Variants in CLVS1 observed in about 807,000 individuals in gnomAD.
CLVS1 encodes the protein clavesin 1, also known as clavesin-1.
CLVS1 carries 10 observed loss-of-function variants against 33.1 expected under a neutral mutation model. That is an observed-to-expected ratio of 0.30 (90% confidence interval 0.19 to 0.51). The LOEUF (loss-of-function observed/expected upper bound fraction) is 0.51, where lower values mean the gene tolerates loss of function less well. Among genes scored for constraint, CLVS1 ranks in the 20% least tolerant of loss-of-function variants. The probability of loss-of-function intolerance (pLI) is 0.97; values close to 1 mark genes in which losing one functional copy is unlikely to be tolerated. For missense variants in CLVS1, 343 were observed against 433.4 expected (o/e 0.79, Z 1.85); for synonymous variants, 163 against 166.1 (o/e 0.98, Z 0.14).
intron 2 of CLVS1, among the ~76,000 whole-genome samples, chr8:61,206,312 A>G (rs1177067763): frequency 6.6e-6 from 1 of 152,220 alleles, no homozygotes; most frequent in Non-Finnish European, 1.5e-5. Flanking sequence ...ATGAGTATAT[A>G]TTCAGGACTG....
intron 2 of CLVS1, among the ~76,000 whole-genome samples, chr8:61,357,568 C>T (rs539599340): frequency 4.9e-5 from 6 of 121,912 alleles, no homozygotes; most frequent in Admixed American, 1.1e-4. Flanking sequence ...AGCAATGGTG[C>T]GATCTCGGCT....
chr8:61,274,337 T>G (rs1319905852), intron 2 of CLVS1, among the ~76,000 whole-genome samples: 2 of 152,174 alleles, frequency 1.3e-5, no homozygotes, highest in Non-Finnish European at 2.9e-5. Flanking sequence ...TTCCCTGCAT[T>G]GATGCTGAAT....
chr8:61,273,030 C>A (rs968869540), intron 2 of CLVS1, among the ~76,000 whole-genome samples: 2 of 151,076 alleles, frequency 1.3e-5, no homozygotes, highest in African/African-American at 4.9e-5. Context: ...TGTTCCGTTG[C>A]TGGTGAGGAA....
At chr8:61,391,314 G>T (rs1372416098) in intron 3 of CLVS1, 1 of 152,202 alleles carries the variant, frequency 6.6e-6, no homozygotes, top group Non-Finnish European at 1.5e-5. Flanking sequence ...CTTACCATGT[G>T]CCAGAATTGT....
rs1055730306 is a variant in CLVS1 at position 61,462,184 on chromosome 8, T to C, written c.977+3642T>C. On this transcript the variant is annotated intron_variant, in intron 5 of 5. Transcript: ENST00000325897. ...AAAGGAGGAGTAACATTCATGACGGTTGGGCTCAACTTCTTCCAAAGTCCT... is the reference window on the plus strand; with the variant it reads ...AAAGGAGGAGTAACATTCATGACGGCTGGGCTCAACTTCTTCCAAAGTCCT... Among the ~76,000 whole-genome samples, 3 of 152,104 alleles carry C rather than the reference T, an allele frequency of 2.0e-5. No homozygotes were observed. The South Asian group carries it at 6.2e-4, about 32-fold the overall frequency.
intron 2 of CLVS1, among the ~76,000 whole-genome samples, chr8:61,185,153 TTG>T (rs1491047226): frequency 6.7e-5 from 10 of 148,500 alleles, no homozygotes; most frequent in African/African-American, 2.0e-4. Flanking sequence ...GTTTTTGTTT[TTG>T]TTTTTTGTGA....
At chr8:60,981,274 T>C in the CLVS1 span, among the ~76,000 whole-genome samples, 2 of 152,196 alleles carry the variant, frequency 1.3e-5, no homozygotes, top group East Asian at 1.9e-4. Flanking sequence ...ATAAAATACA[T>C]AGGAGTATGC....
the CLVS1 span, among the ~76,000 whole-genome samples, chr8:60,999,300 T>C: frequency 6.6e-6 from 1 of 152,118 alleles, no homozygotes; most frequent in East Asian, 1.9e-4. Flanking sequence ...TGGGTAAAGC[T>C]GAACTGAGCA....
chr8:61,227,177 G>A (rs1043003069), intron 2 of CLVS1, among the ~76,000 whole-genome samples: 2 of 151,672 alleles, frequency 1.3e-5, no homozygotes, highest in African/African-American at 2.4e-5. Context: ...CCTAATAAAT[G>A]AGCAAAGTAG....
intron 2 of CLVS1, among the ~76,000 whole-genome samples, chr8:61,360,864 T>A (rs1261368643): frequency 6.6e-6 from 1 of 152,008 alleles, no homozygotes. Flanking sequence ...AGTCCATCCT[T>A]GTACTTCTAT....
At chr8:61,015,388 TC>T in the CLVS1 span, among the ~76,000 whole-genome samples, 1 of 152,240 alleles carries the variant, frequency 6.6e-6, no homozygotes, top group Non-Finnish European at 1.5e-5. Context: ...ATCTGTTATA[TC>T]CAATGGTTTG....
At chr8:61,013,486 G>C in the CLVS1 span, among the ~76,000 whole-genome samples, 4 of 152,058 alleles carry the variant, frequency 2.6e-5, no homozygotes, top group African/African-American at 9.7e-5. Flanking sequence ...TCTCTCTCTC[G>C]GTCCTTTGGT....
intron 2 of CLVS1, among the ~76,000 whole-genome samples, chr8:61,262,709 A>G (rs917616554): frequency 2.6e-5 from 4 of 152,142 alleles, no homozygotes; most frequent in African/African-American, 9.7e-5. Flanking sequence ...TTCCCTTGAC[A>G]CATCACTTCT....
intron 1 of CLVS1, among the ~76,000 whole-genome samples, chr8:61,057,534 A>G (rs1399700385): frequency 6.6e-6 from 1 of 152,168 alleles, no homozygotes; most frequent in African/African-American, 2.4e-5. Flanking sequence ...CTCCTGAGCT[A>G]AGTTTATGAG....
At chr8:61,230,680 C>T (rs1808413053) in intron 2 of CLVS1, among the ~76,000 whole-genome samples, 1 of 152,082 alleles carries the variant, frequency 6.6e-6, no homozygotes, top group South Asian at 2.1e-4. Context: ...CTCAAGCTTC[C>T]TACTTGAGCT....
At chr8:60,978,646 C>G in the CLVS1 span, among the ~76,000 whole-genome samples, 1 of 151,752 alleles carries the variant, frequency 6.6e-6, no homozygotes, top group Non-Finnish European at 1.5e-5. Flanking sequence ...GAAACCCCGT[C>G]TCTACTAAAA....
chr8:61,414,406 GTTT>G (rs5891802), intron 3 of CLVS1, among the ~76,000 whole-genome samples: 1 of 145,558 alleles, frequency 6.9e-6, no homozygotes. Context: ...TACCGAAATT[GTTT>G]TTTTTTTTTC....
At chr8:61,368,986 T>C (rs1247627051) in intron 2 of CLVS1, among the ~76,000 whole-genome samples, 6 of 152,144 alleles carry the variant, frequency 3.9e-5, no homozygotes, top group Non-Finnish European at 8.8e-5. Context: ...CCTTTCCTTT[T>C]GTTCTTTTCT....
chr8:60,966,596 G>T, the CLVS1 span: 92 of 237,538 alleles, frequency 3.9e-4, no homozygotes, highest in African/African-American at 2.0e-3. Context: ...ATCTTTCTGG[G>T]TCCCAGGGAG....
Sources: gnomAD v4.1 joint callset for allele counts (sites outside exome capture counted in the v4.1 genomes callset) on GRCh38, gnomAD v4.1.1 for gene constraint, MANE v1.5 for transcripts, NCBI Gene and HGNC (gene_info 2026-07-23, HGNC 2026-07-21) for gene names.